MALRD1: variants seen among roughly 807,000 people sequenced by gnomAD.
MALRD1 encodes MAM and LDL-receptor class A domain-containing protein 1.
A neutral mutation model predicts 242.1 loss-of-function variants in MALRD1; 247 were observed. The observed-to-expected ratio is 1.02, with a 90% CI of 0.92 to 1.13. The LOEUF (loss-of-function observed/expected upper bound fraction) is 1.13, where lower values mean the gene tolerates loss of function less well. Among genes scored for constraint, MALRD1 ranks in the 50% most tolerant of loss-of-function variants. MALRD1 has a pLI of 0.00. For synonymous variants in MALRD1, 995 were observed against 866.6 expected (o/e 1.15, Z -2.60); for missense variants, 2,989 against 2,533.1 (o/e 1.18, Z -3.86).
intron 24 of MALRD1, among the ~76,000 whole-genome samples, chr10:19,337,908 A>G (rs1843680135): frequency 6.6e-6 from 1 of 151,890 alleles, no homozygotes. Flanking sequence ...TAAAAATACA[A>G]AAAATTAGCT....
At chr10:19,278,328 G>T (rs940256497) in intron 19 of MALRD1, among the ~76,000 whole-genome samples, 1 of 151,992 alleles carries the variant, frequency 6.6e-6, no homozygotes, top group African/African-American at 2.4e-5. Flanking sequence ...AGCTTGCCAC[G>T]GCATCTTATT....
At chr10:19,083,804 T>G (rs1835572496) in intron 2 of MALRD1, among the ~76,000 whole-genome samples, 1 of 151,954 alleles carries the variant, frequency 6.6e-6, no homozygotes, top group Non-Finnish European at 1.5e-5. Flanking sequence ...CCCATAAAAC[T>G]CACCATTTTT....
At chr10:19,137,103 T>C in intron 10 of MALRD1, among the ~76,000 whole-genome samples, 1 of 152,178 alleles carries the variant, frequency 6.6e-6, no homozygotes. Flanking sequence ...TTTTTGTACC[T>C]TTGCCTTGGA....
At chr10:19,186,985 G>C (rs12218811) in intron 14 of MALRD1, among the ~76,000 whole-genome samples, 2 of 152,124 alleles carry the variant, frequency 1.3e-5, no homozygotes, top group Non-Finnish European at 2.9e-5. Flanking sequence ...CACCACTGTA[G>C]GGAGTGAAAT....
chr10:19,103,953 T>G, intron 4 of MALRD1, 26 bp from the exon 5 acceptor site: 1 of 1,209,466 alleles, frequency 8.3e-7, no homozygotes, highest in South Asian at 4.2e-5. Flanking sequence ...GTTTTTGTTT[T>G]GTTTTGTTTT....
At chr10:19,088,777 C>T (rs1200481635) in intron 4 of MALRD1, among the ~76,000 whole-genome samples, 4 of 73,776 alleles carry the variant, frequency 5.4e-5, no homozygotes, top group African/African-American at 1.1e-4. Flanking sequence ...TGATATTCCC[C>T]TTCCTGTGTC....
At chr10:19,614,019 T>G (rs996998524) in intron 35 of MALRD1, among the ~76,000 whole-genome samples, 2 of 152,092 alleles carry the variant, frequency 1.3e-5, no homozygotes, top group African/African-American at 4.8e-5. Flanking sequence ...ATTCTGCATT[T>G]TAATGCCACA....
chr10:19,342,005 G>A (rs553843706), intron 24 of MALRD1, among the ~76,000 whole-genome samples: 10 of 152,118 alleles, frequency 6.6e-5, no homozygotes, highest in South Asian at 2.1e-4. Context: ...ACTATATAGC[G>A]TTCTCTAATT....
At chr10:19,124,435 A>G in intron 6 of MALRD1, 89 bp from the exon 7 acceptor site, 1 of 1,099,454 alleles carries the variant, frequency 9.1e-7, no homozygotes, top group Non-Finnish European at 1.2e-6. Flanking sequence ...GTGTGTATAT[A>G]AGCTTTTTGG....
At chr10:19,109,459 T>C (rs975928751) in intron 5 of MALRD1, among the ~76,000 whole-genome samples, 1 of 152,166 alleles carries the variant, frequency 6.6e-6, no homozygotes. Flanking sequence ...GTTGGCAAGA[T>C]TGCCTATAAT....
intron 36 of MALRD1, among the ~76,000 whole-genome samples, chr10:19,665,642 C>G (rs1035899422): frequency 2.6e-5 from 4 of 152,072 alleles, no homozygotes; most frequent in Non-Finnish European, 5.9e-5. Context: ...CAGCAGCTTC[C>G]CTGAAATTCT....
In MALRD1 at chr10:19,713,582, G is replaced by C. The variant is rs530289216; in HGVS notation, c.6315-17124G>C. ...CTGAAAAATATTTAAGAAGCAAGTT[G>C]CTAGGTGGTTGCTAAGGGCAATCAC... On this transcript the variant is annotated intron_variant, in intron 38 of 39. Transcript: ENST00000454679. 3.9e-5 allele frequency among the ~76,000 whole-genome samples: 6 copies of C among 152,328 alleles called. No individual in the cohort carries two copies. The East Asian group carries it at 1.2e-3, about 29-fold the overall frequency.
intron 28 of MALRD1, among the ~76,000 whole-genome samples, chr10:19,444,713 CCAA>C (rs1834866867): frequency 6.6e-6 from 1 of 152,106 alleles, no homozygotes; most frequent in African/African-American, 2.4e-5. Flanking sequence ...CGTGGGTAAC[CCAA>C]CCTTTCTCTC....
intron 11 of MALRD1, among the ~76,000 whole-genome samples, chr10:19,149,578 T>G (rs1833864746): frequency 6.6e-6 from 1 of 152,226 alleles, no homozygotes. Context: ...TTGTTTGTTT[T>G]TTAAGAAATA....
At chr10:19,418,972 G>A (rs904041248) in intron 28 of MALRD1, among the ~76,000 whole-genome samples, 3 of 152,092 alleles carry the variant, frequency 2.0e-5, no homozygotes, top group Non-Finnish European at 4.4e-5. Context: ...CACAAAAATA[G>A]TAGTATGGTG....
At position 19,352,090 on chromosome 10, in the gene MALRD1, C is replaced by T; in HGVS notation, c.4234C>T (p.Leu1412=). The T allele has an allele frequency of 1.3e-6, 2 of 1,550,466 alleles. No homozygotes were observed. The highest frequency in any genetic ancestry group is 1.7e-6 in the Non-Finnish European group (2 of 1,146,874). Residue 1412 remains leucine (L), a synonymous_variant, in exon 26 of 40, where the codon CTA becomes TTA. Transcript: ENST00000454679. ...QVSVTNQTKV[L]LNLTVEQGNF... Reference sequence around the variant, plus strand: ...GTCAGTCACAAACCAAACGAAGGTTCTACTTAACCTCACTGTAGAACAAGG... The same window carrying T: ...GTCAGTCACAAACCAAACGAAGGTTTTACTTAACCTCACTGTAGAACAAGG...
chr10:19,099,786 G>C (rs1357795811), intron 4 of MALRD1, among the ~76,000 whole-genome samples: 1 of 147,432 alleles, frequency 6.8e-6, no homozygotes, highest in Non-Finnish European at 1.5e-5. Context: ...TTTTTTGCCA[G>C]ATGGAATCTC....
chr10:19,679,068 T>C lies in MALRD1; in HGVS notation c.6138-13214T>C, dbSNP rs547879313. On this transcript the variant is annotated intron_variant, in intron 36 of 39. Transcript: ENST00000454679. ...CTGGATTCAGTTTGCCAGTATTTTG[T>C]TGAGAATTTTTACACTAATGTTCAT... Among the ~76,000 whole-genome samples the C allele has an allele frequency of 4.9e-4, 74 of 152,286 alleles. 1 individual carries two copies. Among genetic ancestry groups the C allele is most frequent in the African/African-American group, 1.8e-3 (73 of 41,566 alleles).
At chr10:19,237,668 T>C (rs1452444555) in intron 18 of MALRD1, among the ~76,000 whole-genome samples, 4 of 107,956 alleles carry the variant, frequency 3.7e-5, no homozygotes, top group African/African-American at 7.2e-5. Context: ...ATATAAATTA[T>C]ATAATTATAT....
Sources: gnomAD v4.1 joint callset for allele counts (sites outside exome capture counted in the v4.1 genomes callset) on GRCh38, gnomAD v4.1.1 for gene constraint, MANE v1.5 for transcripts, NCBI Gene and HGNC (gene_info 2026-07-23, HGNC 2026-07-21) for gene names.